Variants in KCNN3 observed in about 807,000 individuals in gnomAD.
KCNN3 encodes potassium calcium-activated channel subfamily N member 3.
Under a neutral mutation model 62.9 loss-of-function variants are expected in KCNN3, and 16 were observed. The observed-to-expected ratio is 0.25, with a 90% confidence interval of 0.17 to 0.39. The LOEUF is 0.39. KCNN3 is among the 10% of genes least tolerant of loss of function. The pLI is 1.00. For missense variants in KCNN3, 599 were observed against 949.4 expected (o/e 0.63, Z 4.85); for synonymous variants, 370 against 389.2 (o/e 0.95, Z 0.58).
At position 154,705,892 on chromosome 1, in the gene KCNN3, G is replaced by A. The variant is rs1047899154; in HGVS notation, c.*2084C>T. 1.3e-5 allele frequency: 2 copies of A among 152,122 alleles called. No homozygotes were observed. Among genetic ancestry groups the A allele is most frequent in the African/African-American group, 4.8e-5 (2 of 41,416 alleles). 9.4% of individuals were successfully genotyped at this position (152,122 alleles called of 1,614,324 possible). A position where few individuals can be genotyped will look rare whatever the true frequency, so the allele number is the denominator to read the frequency against. ...ACTAATGCCACAAGGAAACTGCATG[G>A]TTACTTCATCTGTTTACACATCTGC... On this transcript the variant is annotated 3_prime_UTR_variant, in exon 8 of 8. Transcript: ENST00000271915.
chr1:154,723,459 T>C (rs1014919488), intron 5 of KCNN3, among the ~76,000 whole-genome samples: 2 of 152,220 alleles, frequency 1.3e-5, no homozygotes, highest in Non-Finnish European at 1.5e-5. Flanking sequence ...AGAAGTGGAA[T>C]TGAGGAGGAT....
Position 154,745,381 on chromosome 1 carries a change from T to C in KCNN3, c.1449-12237A>G, listed in dbSNP as rs115236079. ...TCTGTGAAAACGAGAGTTTGGTTGGTGTGGCTTTTTCTCACCGAGGTGGTG... is the reference window on the plus strand; with the variant it reads ...TCTGTGAAAACGAGAGTTTGGTTGGCGTGGCTTTTTCTCACCGAGGTGGTG... On this transcript the variant is annotated intron_variant, in intron 3 of 7. Coordinates refer to ENST00000271915, the MANE Select transcript of KCNN3 (RefSeq NM_002249.6). 8.0e-3 allele frequency among the ~76,000 whole-genome samples: 1,221 copies of C among 152,330 alleles called. 22 individuals carry two copies. Among genetic ancestry groups the C allele is most frequent in the African/African-American group, 0.028 (1,147 of 41,564 alleles).
intron 2 of KCNN3, among the ~76,000 whole-genome samples, chr1:154,775,878 A>T (rs1234262817): frequency 6.6e-6 from 1 of 152,248 alleles, no homozygotes; most frequent in Admixed American, 6.5e-5. Flanking sequence ...AAACTCTTCA[A>T]ATACAAAATT....
At chr1:154,785,496 G>A (rs891186342) in intron 2 of KCNN3, among the ~76,000 whole-genome samples, 2 of 152,052 alleles carry the variant, frequency 1.3e-5, no homozygotes, top group African/African-American at 4.8e-5. Context: ...CCCAGTGGCG[G>A]GGGCAGCACT....
At chr1:154,860,312 G>T (rs957754538) in intron 1 of KCNN3, among the ~76,000 whole-genome samples, 5 of 152,170 alleles carry the variant, frequency 3.3e-5, no homozygotes, top group African/African-American at 1.2e-4. Flanking sequence ...TCTCCCTGTG[G>T]CCCTACTCTC....
chr1:154,808,119 C>G lies in KCNN3; in HGVS notation c.1029+13970G>C, dbSNP rs181441290. On this transcript the variant is annotated intron_variant, in intron 2 of 7. Transcript: ENST00000271915. ...ATGCTTTGCAGGTGCAACCTGAAGA[C>G]AAATTCCCTGGCTTCCCTCTCCCGC... 5.1e-4 allele frequency among the ~76,000 whole-genome samples: 78 copies of G among 152,306 alleles called. No homozygotes were observed. The East Asian group carries it at 0.013, about 25-fold the overall frequency.
chr1:154,858,276 C>A (rs996476604), intron 1 of KCNN3, among the ~76,000 whole-genome samples: 3 of 152,188 alleles, frequency 2.0e-5, no homozygotes, highest in Admixed American at 1.3e-4. Context: ...GGCCACTGAG[C>A]TCTCAGAAGA....
chr1:154,869,171 T>C lies in KCNN3; in HGVS notation c.794A>G (p.Asn265Ser). 6.2e-7 allele frequency: 1 copy of C among 1,613,818 alleles called. No homozygotes were observed. The highest frequency in any genetic ancestry group is 8.5e-7 in the Non-Finnish European group (1 of 1,179,920). Residue 265 changes from asparagine to serine, a missense_variant, in exon 1 of 8, where the codon AAC (asparagine) becomes AGC (serine). By Grantham distance (46) the Asn-to-Ser change is conservative. This residue lies in a region of KCNN3 where 80 missense variants were observed against 85.4 expected (regional missense o/e 0.94). Transcript: ENST00000271915. The surrounding 1 kb of genome is among the most constrained non-coding windows in gnomAD (Gnocchi z 6.1). ...FPKANKRKNQ[N>S]IGYKLGHRRA... ...CCTGTGTCCCAGCTTATAGCCAATGTTTTGGTTTTTCCGCTTGTTGGCTTT... is the reference window on the plus strand; with the variant it reads ...CCTGTGTCCCAGCTTATAGCCAATGCTTTGGTTTTTCCGCTTGTTGGCTTT...
intron 2 of KCNN3, among the ~76,000 whole-genome samples, chr1:154,804,173 C>T (rs1268220803): frequency 6.6e-6 from 1 of 152,216 alleles, no homozygotes; most frequent in Non-Finnish European, 1.5e-5. Context: ...CCCCGTTCCT[C>T]TCCCTGTGAG....
At chr1:154,843,824 G>C (rs577126150) in intron 1 of KCNN3, among the ~76,000 whole-genome samples, 3 of 152,340 alleles carry the variant, frequency 2.0e-5, no homozygotes, top group African/African-American at 7.2e-5. Context: ...GCCTCAGCAA[G>C]ACAGACGTTT....
chr1:154,718,598 C>A (rs998835127), intron 5 of KCNN3, among the ~76,000 whole-genome samples: 1 of 152,190 alleles, frequency 6.6e-6, no homozygotes, highest in Non-Finnish European at 1.5e-5. Flanking sequence ...CTATGATGGG[C>A]CAGACATTGT....
intron 1 of KCNN3, among the ~76,000 whole-genome samples, chr1:154,850,230 A>C (rs1652249469): frequency 6.6e-6 from 1 of 152,140 alleles, no homozygotes; most frequent in South Asian, 2.1e-4. Flanking sequence ...TCACTTCACA[A>C]AACTCCTCCA....
At chr1:154,720,408 A>G (rs1355111188) in intron 5 of KCNN3, among the ~76,000 whole-genome samples, 1 of 152,244 alleles carries the variant, frequency 6.6e-6, no homozygotes, top group Non-Finnish European at 1.5e-5. Context: ...TATCTGATCC[A>G]TTGTAAAGAC....
At chr1:154,739,522 G>A (rs1700783960) in intron 3 of KCNN3, among the ~76,000 whole-genome samples, 2 of 152,170 alleles carry the variant, frequency 1.3e-5, no homozygotes, top group East Asian at 3.8e-4. Flanking sequence ...CCTTCATAAG[G>A]ATGAAATCAT....
At chr1:154,740,139 T>A (rs1700798421) in intron 3 of KCNN3, among the ~76,000 whole-genome samples, 1 of 152,244 alleles carries the variant, frequency 6.6e-6, no homozygotes, top group East Asian at 1.9e-4. Flanking sequence ...GTAGCTATAG[T>A]CTATTTTTAT....
intron 1 of KCNN3, among the ~76,000 whole-genome samples, chr1:154,861,442 C>T (rs1157414212): frequency 6.6e-6 from 1 of 152,160 alleles, no homozygotes; most frequent in Non-Finnish European, 1.5e-5. Flanking sequence ...AGACAGTCTC[C>T]TCTTTCCTCC....
In KCNN3 at chr1:154,749,431, G is replaced by C. The variant is rs544549160; in HGVS notation, c.1449-16287C>G. On this transcript the variant is annotated intron_variant, in intron 3 of 7. Transcript: ENST00000271915. ...ACCTAGGCAGGGTTAGTGTGGGAAGGACGTGGGAATCACCCTGTGACCAAG... is the reference window on the plus strand; with the variant it reads ...ACCTAGGCAGGGTTAGTGTGGGAAGCACGTGGGAATCACCCTGTGACCAAG... Among the ~76,000 whole-genome samples the C allele has an allele frequency of 3.8e-3, 575 of 152,352 alleles. 3 individuals carry two copies. The highest frequency in any genetic ancestry group is 0.013 in the African/African-American group (557 of 41,578).
At chr1:154,842,628 G>A (rs1423463197) in intron 1 of KCNN3, among the ~76,000 whole-genome samples, 1 of 25,620 alleles carries the variant, frequency 3.9e-5, no homozygotes, top group Non-Finnish European at 1.0e-4. Context: ...CTCATTCAGG[G>A]ACCCCCCCCC....
intron 5 of KCNN3, among the ~76,000 whole-genome samples, chr1:154,723,923 G>C (rs1348228069): frequency 6.6e-6 from 1 of 152,230 alleles, no homozygotes; most frequent in Non-Finnish European, 1.5e-5. Context: ...GGGGCTGAAA[G>C]AGAGTGGCCA....
Sources: allele counts gnomAD v4.1 joint callset (sites outside exome capture counted in the v4.1 genomes callset), GRCh38; gene constraint gnomAD v4.1.1; regional missense constraint gnomAD v4.1.1; non-coding constraint Gnocchi (gnomAD v3.1); transcripts MANE v1.5; gene names NCBI Gene and HGNC (gene_info 2026-07-23, HGNC 2026-07-21).